SLC4A4: variants seen among roughly 807,000 people sequenced by gnomAD.
The protein encoded by SLC4A4 is solute carrier family 4 member 4.
A neutral mutation model predicts 111.5 loss-of-function variants in SLC4A4; 27 were observed. The observed-to-expected ratio is 0.24, with a 90% CI of 0.18 to 0.33. The LOEUF is 0.33. SLC4A4 is among the 10% of genes least tolerant of loss of function. The pLI is 1.00. For synonymous variants in SLC4A4, 443 were observed against 463.4 expected, an observed-to-expected ratio of 0.96 and a Z score of 0.57; for missense variants, 909 against 1,315.5, an observed-to-expected ratio of 0.69 and a Z score of 4.78.
At chr4:71,238,151 G>C (rs889025624) in intron 2 of SLC4A4, among the ~76,000 whole-genome samples, 2 of 152,150 alleles carry the variant, frequency 1.3e-5, no homozygotes, top group Non-Finnish European at 2.9e-5. Context: ...GACAATTGAA[G>C]TAGAAAAAGC....
intron 3 of SLC4A4, among the ~76,000 whole-genome samples, chr4:71,331,296 G>T (rs1727964537): frequency 6.6e-6 from 1 of 152,154 alleles, no homozygotes; most frequent in African/African-American, 2.4e-5. Context: ...GTTTATTGCG[G>T]CACTATTCGT....
intron 3 of SLC4A4, among the ~76,000 whole-genome samples, chr4:71,313,333 G>A (rs187889909): frequency 7.9e-5 from 12 of 152,242 alleles, no homozygotes; most frequent in East Asian, 7.7e-4. Flanking sequence ...AATCAATATC[G>A]TGAAAATGGC....
intron 7 of SLC4A4, among the ~76,000 whole-genome samples, chr4:71,438,172 G>A (rs1225787893): frequency 6.6e-6 from 1 of 152,154 alleles, no homozygotes; most frequent in African/African-American, 2.4e-5. Flanking sequence ...GATCATTAAG[G>A]CCAAAAGTAA....
intron 2 of SLC4A4, among the ~76,000 whole-genome samples, chr4:71,114,899 CG>C (rs1560727306): frequency 1.7e-5 from 2 of 117,296 alleles, no homozygotes; most frequent in African/African-American, 7.2e-5. Flanking sequence ...ATGTTTATTG[CG>C]GCATTATTCA....
At chr4:71,174,017 C>G (rs1281120763) in intron 2 of SLC4A4, among the ~76,000 whole-genome samples, 3 of 151,984 alleles carry the variant, frequency 2.0e-5, no homozygotes, top group Non-Finnish European at 4.4e-5. Flanking sequence ...ATGAGGCTAT[C>G]AATATTTTAG....
intron 3 of SLC4A4, among the ~76,000 whole-genome samples, chr4:71,320,557 T>C (rs375680560): frequency 4.6e-5 from 7 of 152,048 alleles, no homozygotes; most frequent in Admixed American, 3.3e-4. Flanking sequence ...GCAGAGGGAT[T>C]TGGACAATTT....
chr4:71,445,208 G>T (rs1725114600), intron 8 of SLC4A4, among the ~76,000 whole-genome samples: 1 of 152,074 alleles, frequency 6.6e-6, no homozygotes, highest in African/African-American at 2.4e-5. Context: ...TATAGAAAAT[G>T]TCTGTCCTCG....
intron 2 of SLC4A4, among the ~76,000 whole-genome samples, chr4:71,132,315 T>C (rs778048652): frequency 3.3e-5 from 5 of 152,188 alleles, no homozygotes; most frequent in Non-Finnish European, 7.3e-5. Context: ...ACGGGGGCTC[T>C]AAAATGTATA....
Position 71,364,444 on chromosome 4 carries a change from G to C in SLC4A4, c.730+7257G>C, listed in dbSNP as rs115661042. 9.1e-3 allele frequency among the ~76,000 whole-genome samples: 1,384 copies of C among 152,288 alleles called. 24 individuals are homozygous for C. The highest frequency in any genetic ancestry group is 0.032 in the African/African-American group (1,332 of 41,546). ...CTGCCATAACAAAATAGCTTAGATT[G>C]GGTAATTTAAAACAATAGAAATTTA... is the stretch of plus-strand genomic sequence containing the variant. On this transcript the variant is annotated intron_variant, in intron 6 of 25. Transcript: ENST00000264485.
At chr4:71,197,319 G>T (rs544720278) in intron 1 of SLC4A4, among the ~76,000 whole-genome samples, 11 of 152,298 alleles carry the variant, frequency 7.2e-5, no homozygotes, top group African/African-American at 2.6e-4. Flanking sequence ...GAAATTCATT[G>T]TAATGAAGTT....
rs886059603 is a variant in SLC4A4 at position 71,569,158 on chromosome 4, A to C, written c.*1407A>C. On this transcript the variant is annotated 3_prime_UTR_variant, in exon 26 of 26. Coordinates refer to ENST00000264485, the MANE Select transcript of SLC4A4 (RefSeq NM_001098484.3). ...TCTTATGCCAGTTTTCATAAAACCC[A>C]AACCACATATGAAAAAATCCATTAA... 2 of 151,654 alleles carry C rather than the reference A, an allele frequency of 1.3e-5. No homozygotes were observed. Among genetic ancestry groups the C allele is most frequent in the Non-Finnish European group, 3.0e-5 (2 of 67,776 alleles). The allele number at this position is 151,654 out of a possible 1,614,324, so 9.4% of individuals were successfully genotyped here.
At chr4:71,377,371 A>C (rs1383367583) in intron 6 of SLC4A4, among the ~76,000 whole-genome samples, 1 of 152,242 alleles carries the variant, frequency 6.6e-6, no homozygotes, top group Non-Finnish European at 1.5e-5. Context: ...GTTAAGAGTC[A>C]TTGAGAAATG....
At chr4:71,095,386 T>C (rs904019645) in intron 2 of SLC4A4, among the ~76,000 whole-genome samples, 3 of 152,222 alleles carry the variant, frequency 2.0e-5, no homozygotes, top group Admixed American at 6.5e-5. Flanking sequence ...GACTGTGCTC[T>C]CCCTTTTATA....
In SLC4A4 at chr4:71,152,470, A is replaced by G. The variant is rs1025181032; in HGVS notation, c.-2+59678A>G. On this transcript the variant is annotated intron_variant, in intron 2 of 26. Transcript: ENST00000649996. ...TTTCACTCGAGATTATGTTTTTGAG[A>G]ATAATTCATGTTAATATGTGCACAT... Among the ~76,000 whole-genome samples the G allele has an allele frequency of 2.0e-5, 3 of 152,292 alleles. No individual in the cohort carries two copies. In the South Asian group the frequency reaches 6.2e-4, roughly 32 times the overall value.
chr4:71,392,390 C>T (rs1251239905), intron 6 of SLC4A4, among the ~76,000 whole-genome samples: 1 of 152,074 alleles, frequency 6.6e-6, no homozygotes, highest in Non-Finnish European at 1.5e-5. Context: ...GAATTATCCT[C>T]TGGCGATACC....
In SLC4A4 at chr4:71,193,410, T is replaced by C. The variant is rs543438313; in HGVS notation, c.-2+6009T>C. Among the ~76,000 whole-genome samples, 82 of 152,280 alleles carry C rather than the reference T, an allele frequency of 5.4e-4. 1 individual carries two copies. Among genetic ancestry groups the C allele is most frequent in the South Asian group, 3.9e-3 (19 of 4,822 alleles). On this transcript the variant is annotated intron_variant, in intron 1 of 25. Coordinates refer to ENST00000264485, the MANE Select transcript of SLC4A4 (RefSeq NM_001098484.3). ...TCCTGACCTCGTGATCCGCCCGCCT[T>C]GGCCTCCCAAAGTGCTGAGATTACA... is the stretch of plus-strand genomic sequence containing the variant.
chr4:71,235,969 C>A, intron 1 of SLC4A4: 1 of 911,520 alleles, frequency 1.1e-6, no homozygotes. Flanking sequence ...GTCAGATTTC[C>A]GTAAGGCCAG....
chr4:71,158,149 C>CTG (rs1216415193), intron 2 of SLC4A4, among the ~76,000 whole-genome samples: 3 of 151,102 alleles, frequency 2.0e-5, no homozygotes, highest in African/African-American at 7.3e-5. Context: ...GTGTCTCTCT[C>CTG]TCTCTCTCTC....
intron 13 of SLC4A4, among the ~76,000 whole-genome samples, chr4:71,466,872 C>T (rs566823580): frequency 6.6e-6 from 1 of 150,678 alleles, no homozygotes; most frequent in Non-Finnish European, 1.5e-5. Flanking sequence ...AACACCCATG[C>T]CCCTTTGCCT....
Sources: gnomAD v4.1 joint callset for allele counts (sites outside exome capture counted in the v4.1 genomes callset) on GRCh38, gnomAD v4.1.1 for gene constraint, MANE v1.5 for transcripts, NCBI Gene and HGNC (gene_info 2026-07-23, HGNC 2026-07-21) for gene names.